RNF125: variants seen among roughly 807,000 people sequenced by gnomAD.
The protein encoded by RNF125 is ring finger protein 125.
RNF125 carries 21 observed loss-of-function variants against 26.0 expected under a neutral mutation model. The observed-to-expected ratio is 0.81, with a 90% CI of 0.57 to 1.16. RNF125 has a LOEUF of 1.16. RNF125 is among the 50% of genes most tolerant of loss of function. The pLI is 0.00. For synonymous variants in RNF125, 95 were observed against 109.2 expected, an observed-to-expected ratio of 0.87 and a Z score of 0.81; for missense variants, 270 against 299.4, an observed-to-expected ratio of 0.90 and a Z score of 0.72.
intron 3 of RNF125, 69 bp from the exon 4 acceptor site, chr18:32,045,571 AAG>A (rs2039261479): frequency 9.3e-7 from 1 of 1,078,266 alleles, no homozygotes; most frequent in Non-Finnish European, 1.4e-6. Context: ...CAAAAAAAAA[AAG>A]AAAAAAAAAG....
At chr18:32,089,770 G>A in the RNF125 span, among the ~76,000 whole-genome samples, 4 of 152,138 alleles carry the variant, frequency 2.6e-5, no homozygotes, top group Non-Finnish European at 5.9e-5. Context: ...ATACAAATAT[G>A]TTTGGATTAG....
At chr18:32,076,171 G>A, downstream of RNF125, 1 of 538,104 alleles carries the variant, frequency 1.9e-6, no homozygotes, top group Non-Finnish European at 3.4e-6. Flanking sequence ...GAAACCGGAT[G>A]ATGACTTTGG....
chr18:32,040,374 C>A (rs926931240), intron 2 of RNF125, among the ~76,000 whole-genome samples: 3 of 148,130 alleles, frequency 2.0e-5, no homozygotes, highest in Non-Finnish European at 3.0e-5. Flanking sequence ...TGGGTTCAAG[C>A]ACTTCTCCTG....
chr18:32,046,225 A>T (rs2144485260), intron 4 of RNF125, among the ~76,000 whole-genome samples: 1 of 147,310 alleles, frequency 6.8e-6, no homozygotes, highest in Admixed American at 6.9e-5. Context: ...AAAAAAAAAA[A>T]AAAAAAAAAA....
the RNF125 span, among the ~76,000 whole-genome samples, chr18:32,088,624 T>C: frequency 6.6e-6 from 1 of 152,160 alleles, no homozygotes; most frequent in South Asian, 2.1e-4. Context: ...TGCCTCAGCC[T>C]CTGGAGTAGC....
intron 4 of RNF125, among the ~76,000 whole-genome samples, chr18:32,054,086 CTTTTTTTTT>C (rs35616121): frequency 2.3e-5 from 2 of 88,360 alleles, no homozygotes; most frequent in Admixed American, 1.4e-4. Context: ...GACATTTGTA[CTTTTTTTTT>C]TTTTTTTTTT....
At chr18:32,063,243 AAG>A (rs1320968615) in intron 4 of RNF125, among the ~76,000 whole-genome samples, 1 of 151,194 alleles carries the variant, frequency 6.6e-6, no homozygotes, top group East Asian at 1.9e-4. Flanking sequence ...AAAAAAAAAA[AAG>A]AAGAATACAT....
At chr18:32,047,231 G>C (rs2039281012) in intron 4 of RNF125, among the ~76,000 whole-genome samples, 1 of 152,136 alleles carries the variant, frequency 6.6e-6, no homozygotes, top group South Asian at 2.1e-4. Context: ...ATAGAGACAG[G>C]GTTTCACCAT....
intron 4 of RNF125, among the ~76,000 whole-genome samples, chr18:32,056,147 T>C (rs2039380721): frequency 6.6e-6 from 1 of 152,144 alleles, no homozygotes; most frequent in South Asian, 2.1e-4. Context: ...CAAGGATTCT[T>C]ACTCTCTTCA....
the RNF125 span, among the ~76,000 whole-genome samples, chr18:32,089,922 G>A: frequency 7.2e-5 from 11 of 152,190 alleles, no homozygotes; most frequent in African/African-American, 2.7e-4. Flanking sequence ...TAAATGGTCA[G>A]AATGAATGAA....
intron 3 of RNF125, among the ~76,000 whole-genome samples, chr18:32,042,716 T>C (rs979204110): frequency 2.0e-5 from 3 of 151,156 alleles, no homozygotes; most frequent in African/African-American, 7.3e-5. Context: ...CATCTCAGTA[T>C]ACAAGAGAAC....
chr18:32,019,078 G>T (rs1403562752), intron 1 of RNF125, 51 bp downstream of exon 1: 1 of 1,591,738 alleles, frequency 6.3e-7, no homozygotes, highest in East Asian at 2.3e-5. Flanking sequence ...AGGGCGATGT[G>T]GGGAAGCTGA....
chr18:32,062,534 C>T (rs1206617190), intron 4 of RNF125, among the ~76,000 whole-genome samples: 1 of 151,664 alleles, frequency 6.6e-6, no homozygotes, highest in Non-Finnish European at 1.5e-5. Context: ...TAAAAATTAG[C>T]GAAGTTGAGC....
chr18:32,065,648 T>C (rs1190114612), intron 4 of RNF125, among the ~76,000 whole-genome samples: 1 of 152,162 alleles, frequency 6.6e-6, no homozygotes, highest in Non-Finnish European at 1.5e-5. Flanking sequence ...TTCTCCTGCC[T>C]CAGTCTCCCG....
chr18:32,066,060 G>T (rs1310549763), intron 5 of RNF125, 51 bp downstream of exon 5: 1 of 1,212,804 alleles, frequency 8.2e-7, no homozygotes, highest in East Asian at 2.3e-5. Flanking sequence ...GTCTTGTTAA[G>T]CTTACCTTTC....
chr18:32,089,089 G>A, the RNF125 span, among the ~76,000 whole-genome samples: 10 of 152,172 alleles, frequency 6.6e-5, no homozygotes, highest in Admixed American at 3.3e-4. Flanking sequence ...GAAGGTGATC[G>A]TGGCAGGAAT....
chr18:32,081,496 C>T, the RNF125 span, among the ~76,000 whole-genome samples: 1 of 152,118 alleles, frequency 6.6e-6, no homozygotes, highest in Non-Finnish European at 1.5e-5. Flanking sequence ...GCTTAAAGCA[C>T]AGAACATTGT....
the RNF125 span, among the ~76,000 whole-genome samples, chr18:32,089,308 C>T: frequency 6.6e-6 from 1 of 152,110 alleles, no homozygotes; most frequent in Non-Finnish European, 1.5e-5. Context: ...AGCCAGATTC[C>T]CCTATAGTGC....
rs60264747 is a variant in RNF125 at position 32,041,620 on chromosome 18, C to CTTTTT, written c.319-535_319-531dup. ...CTATCTACTTTAAAAAATGTAGATG[C>CTTTTT]TTTTTTTTTTTTTTTTTTTTTTTTT... On this transcript the variant is annotated intron_variant, in intron 2 of 5. Coordinates refer to ENST00000217740, the MANE Select transcript of RNF125 (RefSeq NM_017831.4). Among the ~76,000 whole-genome samples the CTTTTT allele has an allele frequency of 9.6e-5, 9 of 93,294 alleles. 2 individuals carry two copies. The highest frequency in any genetic ancestry group is 1.3e-4 in the Admixed American group (1 of 7,674). 61.2% of individuals were successfully genotyped at this position (93,294 alleles called of 152,430 possible). A position where few individuals can be genotyped will look rare whatever the true frequency, so the allele number is the denominator to read the frequency against.
Sources: allele counts gnomAD v4.1 joint callset (sites outside exome capture counted in the v4.1 genomes callset), GRCh38; gene constraint gnomAD v4.1.1; transcripts MANE v1.5; gene names NCBI Gene and HGNC (gene_info 2026-07-23, HGNC 2026-07-21).